The following MACROD2 variants were observed in gnomAD, a reference collection of about 807,000 sequenced individuals.
MACROD2 encodes ADP-ribose glycohydrolase MACROD2.
Under a neutral mutation model 70.4 loss-of-function variants are expected in MACROD2, and 36 were observed. The observed-to-expected ratio is 0.51, with a 90% CI of 0.39 to 0.68. The LOEUF (loss-of-function observed/expected upper bound fraction) is 0.68. Among genes scored for constraint, MACROD2 ranks in the 30% least tolerant of loss-of-function variants. The probability of loss-of-function intolerance (pLI) is 0.00; values close to 1 mark genes in which losing one functional copy is unlikely to be tolerated. For synonymous variants in MACROD2, 172 were observed against 178.8 expected (o/e 0.96, Z 0.30); for missense variants, 496 against 538.4 (o/e 0.92, Z 0.78).
intron 3 of MACROD2, among the ~76,000 whole-genome samples, chr20:14,215,697 T>C (rs773962584): frequency 6.6e-6 from 1 of 152,178 alleles, no homozygotes; most frequent in African/African-American, 2.4e-5. Flanking sequence ...TTTTTGATTA[T>C]GTCCATTCTT....
chr20:15,233,969 T>TA (rs1568657296), intron 6 of MACROD2, among the ~76,000 whole-genome samples: 1,191 of 55,954 alleles, frequency 0.021, 71 homozygotes, highest in Non-Finnish European at 0.029. Flanking sequence ...AAATTTATTT[T>TA]TATATATATT....
intron 8 of MACROD2, among the ~76,000 whole-genome samples, chr20:15,639,317 G>C (rs544581636): frequency 7.2e-5 from 11 of 152,340 alleles, no homozygotes; most frequent in Admixed American, 2.0e-4. Flanking sequence ...TTCATAATCA[G>C]AACTGCTCAC....
chr20:14,902,249 A>G (rs2073903329), intron 5 of MACROD2, among the ~76,000 whole-genome samples: 1 of 152,168 alleles, frequency 6.6e-6, no homozygotes, highest in Non-Finnish European at 1.5e-5. Flanking sequence ...TTACTTTTCA[A>G]AATTCGCGGT....
At position 14,202,896 on chromosome 20, in the gene MACROD2, A is replaced by G. The variant is rs190187511; in HGVS notation, c.271+117168A>G. On this transcript the variant is annotated intron_variant, in intron 3 of 17. Transcript: ENST00000684519. ...AAACCCCGTCTCTATTAAAAATACA[A>G]AATTACCCGGATGTGGTGGCACATG... Among the ~76,000 whole-genome samples the G allele has an allele frequency of 2.6e-3, 396 of 152,224 alleles. 6 individuals carry two copies. The highest frequency in any genetic ancestry group is 2.0e-3 in the Non-Finnish European group (133 of 68,024).
At chr20:15,036,937 A>T (rs571781464) in intron 5 of MACROD2, among the ~76,000 whole-genome samples, 1 of 151,738 alleles carries the variant, frequency 6.6e-6, no homozygotes. Context: ...TGTAATCAAT[A>T]TTTATAATAG....
chr20:14,237,533 A>C (rs559624556), intron 3 of MACROD2, among the ~76,000 whole-genome samples: 20 of 149,722 alleles, frequency 1.3e-4, no homozygotes, highest in Admixed American at 6.6e-4. Flanking sequence ...TTAATTCTTT[A>C]TTTATTTATT....
At chr20:14,318,023 T>C (rs1429493555) in intron 3 of MACROD2, among the ~76,000 whole-genome samples, 1 of 152,190 alleles carries the variant, frequency 6.6e-6, no homozygotes, top group Non-Finnish European at 1.5e-5. Context: ...TTTTTTAGAC[T>C]TTTGTTTAAT....
At chr20:15,621,566 A>G (rs2049126085) in intron 8 of MACROD2, among the ~76,000 whole-genome samples, 2 of 152,254 alleles carry the variant, frequency 1.3e-5, no homozygotes, top group African/African-American at 4.8e-5. Context: ...CAGATGTGAT[A>G]CTATAACTAG....
At chr20:14,930,766 T>TTAA (rs1467566505) in intron 5 of MACROD2, among the ~76,000 whole-genome samples, 4 of 71,648 alleles carry the variant, frequency 5.6e-5, no homozygotes, top group African/African-American at 2.1e-4. Context: ...GAGCGTGTCT[T>TTAA]AAAAAAAAAA....
intron 3 of MACROD2, among the ~76,000 whole-genome samples, chr20:14,351,020 G>C (rs931982677): frequency 6.6e-6 from 1 of 152,096 alleles, no homozygotes; most frequent in Non-Finnish European, 1.5e-5. Context: ...TTTCCCCAAG[G>C]TGTGTTCTTG....
intron 7 of MACROD2, among the ~76,000 whole-genome samples, chr20:15,447,223 A>G (rs1277662726): frequency 1.3e-5 from 2 of 152,188 alleles, no homozygotes; most frequent in Non-Finnish European, 2.9e-5. Flanking sequence ...GAGACAAGCA[A>G]CAAGAGACAG....
Position 14,628,445 on chromosome 20 carries a change from A to G in MACROD2, c.302-56398A>G, listed in dbSNP as rs79659937. Among the ~76,000 whole-genome samples, 1,322 of 152,246 alleles carry G rather than the reference A, an allele frequency of 8.7e-3. 8 individuals are homozygous for G. Among genetic ancestry groups the G allele is most frequent in the Non-Finnish European group, 0.014 (942 of 67,996 alleles). On this transcript the variant is annotated intron_variant, in intron 4 of 17. Coordinates refer to ENST00000684519, the MANE Select transcript of MACROD2 (RefSeq NM_001351661.2). ...GATTTGAAGGAATTTGAACTAATAA[A>G]TGTGGGTGATGGACTGGATGTGGAA...
At position 15,174,129 on chromosome 20, in the gene MACROD2, A is replaced by G. The variant is rs533284442; in HGVS notation, c.419-55811A>G. Among the ~76,000 whole-genome samples, 90 of 152,306 alleles carry G rather than the reference A, an allele frequency of 5.9e-4. 1 individual carries two copies. The highest frequency in any genetic ancestry group is 2.0e-3 in the African/African-American group (85 of 41,572). Reference sequence around the variant, plus strand: ...ATGCTTATTGTGCATTTAAATGGTAATTTTAGACTATGTAGATTATTATAT... The same window carrying G: ...ATGCTTATTGTGCATTTAAATGGTAGTTTTAGACTATGTAGATTATTATAT... On this transcript the variant is annotated intron_variant, in intron 5 of 17. Coordinates refer to ENST00000684519, the MANE Select transcript of MACROD2 (RefSeq NM_001351661.2).
chr20:14,463,361 C>G (rs974272498), intron 3 of MACROD2, among the ~76,000 whole-genome samples: 1 of 151,962 alleles, frequency 6.6e-6, no homozygotes, highest in African/African-American at 2.4e-5. Context: ...TATAAGAATG[C>G]TTGTGATTTT....
chr20:15,254,299 A>G (rs1410646075), intron 6 of MACROD2, among the ~76,000 whole-genome samples: 1 of 152,178 alleles, frequency 6.6e-6, no homozygotes, highest in Non-Finnish European at 1.5e-5. Context: ...ACTTTTAATC[A>G]AAAAGGAAAA....
At chr20:15,948,382 C>CAAAACAAA (rs2065855768) in intron 12 of MACROD2, among the ~76,000 whole-genome samples, 1 of 43,128 alleles carries the variant, frequency 2.3e-5, no homozygotes, top group Non-Finnish European at 4.7e-5. Context: ...CTTGCAACTG[C>CAAAACAAA]AAAAAAAAAA....
intron 5 of MACROD2, among the ~76,000 whole-genome samples, chr20:14,721,246 C>A (rs1330736483): frequency 1.4e-5 from 2 of 145,388 alleles, no homozygotes; most frequent in African/African-American, 2.5e-5. Flanking sequence ...CAAAGCAAGA[C>A]CCCATCTCAA....
intron 12 of MACROD2, among the ~76,000 whole-genome samples, chr20:15,940,966 G>T (rs1421321128): frequency 6.6e-6 from 1 of 152,148 alleles, no homozygotes; most frequent in African/African-American, 2.4e-5. Context: ...AATTTAATTT[G>T]AATGTGACCA....
At chr20:15,796,257 T>A (rs1254508738) in intron 8 of MACROD2, among the ~76,000 whole-genome samples, 1 of 152,214 alleles carries the variant, frequency 6.6e-6, no homozygotes, top group Non-Finnish European at 1.5e-5. Context: ...TGAAAATCTA[T>A]CCCCTTCAAT....
Sources: gnomAD v4.1 joint callset for allele counts (sites outside exome capture counted in the v4.1 genomes callset) on GRCh38, gnomAD v4.1.1 for gene constraint, MANE v1.5 for transcripts, NCBI Gene and HGNC (gene_info 2026-07-23, HGNC 2026-07-21) for gene names.